Variants in SLC37A3 observed in about 807,000 individuals in gnomAD.
SLC37A3 encodes the protein solute carrier family 37 member 3.
SLC37A3 carries 51 observed loss-of-function variants against 67.1 expected under a neutral mutation model. The observed-to-expected ratio is 0.76, with a 90% CI of 0.61 to 0.96. The LOEUF is 0.96. SLC37A3 is among the 40% of genes least tolerant of loss of function. SLC37A3 has a pLI of 0.00. For missense variants in SLC37A3, 508 were observed against 603.0 expected (o/e 0.84, Z 1.65); for synonymous variants, 214 against 231.4 (o/e 0.92, Z 0.68).
Position 140,343,550 on chromosome 7 carries a change from A to G in SLC37A3, c.1188T>C (p.Gly396=). The change falls in exon 13 of 15, where the codon GGT becomes GGC. Residue 396 remains glycine, a synonymous_variant. Coordinates refer to ENST00000326232, the MANE Select transcript of SLC37A3 (RefSeq NM_207113.3). ...LLMTVTGFFI[G]GPSNMISSAI... ...CAGAACTAATCATATTAGAAGGTCC[A>G]CCAATAAAAAATCCTGAAGTCATAA... 6.2e-7 allele frequency: 1 copy of G among 1,614,216 alleles called. No individual in the cohort carries two copies. The highest frequency in any genetic ancestry group is 1.3e-5 in the African/African-American group (1 of 75,072).
intron 5 of SLC37A3, among the ~76,000 whole-genome samples, chr7:140,362,810 T>G (rs1405502624): frequency 5.8e-5 from 4 of 69,264 alleles, no homozygotes; most frequent in Non-Finnish European, 8.9e-5. Context: ...AGCCGCCCCG[T>G]CCCGGAGGTG....
intron 1 of SLC37A3, among the ~76,000 whole-genome samples, chr7:140,393,660 G>C (rs1373723134): frequency 4.6e-5 from 7 of 152,182 alleles, no homozygotes; most frequent in African/African-American, 1.7e-4. Flanking sequence ...CCTAGAGTGA[G>C]CTCCCTGATA....
rs1225827117 is a variant in SLC37A3 at position 140,343,477 on chromosome 7, CACTGCTCCTTT to C, written c.1250_1260del (p.Gln417ArgfsTer125). 3 of 1,614,020 alleles carry C rather than the reference CACTGCTCCTTT, an allele frequency of 1.9e-6. No homozygotes were observed. The African/African-American group carries it at 4.0e-5, about 22-fold the overall frequency. On this transcript the variant is annotated frameshift_variant, in exon 13 of 15. Transcript: ENST00000326232. LOFTEE classifies it high-confidence loss of function. ...ATTCCTGTGACAGTGGCCAAAGCTT[CACTGCTCCTTT>C]GGATGAGCTCCTGGCGACCCAAGTC... is the stretch of plus-strand genomic sequence containing the variant.
chr7:140,354,743 T>C (rs77100503), intron 7 of SLC37A3, among the ~76,000 whole-genome samples: 1 of 113,166 alleles, frequency 8.8e-6, no homozygotes, highest in Non-Finnish European at 1.8e-5. Flanking sequence ...TTTTGGTGTT[T>C]TTTTTTTTTT....
intron 13 of SLC37A3, among the ~76,000 whole-genome samples, chr7:140,340,028 G>A (rs1242252925): frequency 1.3e-5 from 2 of 152,114 alleles, no homozygotes; most frequent in Non-Finnish European, 2.9e-5. Context: ...TTAAGCCACC[G>A]CGCCCGGCCC....
At chr7:140,389,424 C>T (rs1269987408) in intron 1 of SLC37A3, among the ~76,000 whole-genome samples, 1 of 152,098 alleles carries the variant, frequency 6.6e-6, no homozygotes, top group Non-Finnish European at 1.5e-5. Flanking sequence ...TCACTTCAGC[C>T]CCCAGTGACT....
chr7:140,389,882 G>C (rs1240550727), intron 1 of SLC37A3, among the ~76,000 whole-genome samples: 2 of 152,070 alleles, frequency 1.3e-5, no homozygotes, highest in Admixed American at 6.6e-5. Context: ...GATCATTTGA[G>C]GCCAGTAGTT....
Position 140,398,418 on chromosome 7 carries a change from G to A in SLC37A3, c.-73C>T, listed in dbSNP as rs1799028844. Reference sequence around the variant, plus strand: ...CCCACGCATCACCGCTTGCGCACCCGAGATCCGCAGTGGTCGCCGCTCTCC... The same window carrying A: ...CCCACGCATCACCGCTTGCGCACCCAAGATCCGCAGTGGTCGCCGCTCTCC... On this transcript the variant is annotated splice_region_variant and 5_prime_UTR_variant, in exon 1 of 15. Transcript: ENST00000326232. The A allele has an allele frequency of 6.6e-6, 1 of 152,182 alleles. No individual in the cohort carries two copies. The highest frequency in any genetic ancestry group is 2.4e-5 in the African/African-American group (1 of 41,370). 9.4% of individuals were successfully genotyped at this position (152,182 alleles called of 1,614,324 possible).
chr7:140,362,096 G>C, intron 5 of SLC37A3, among the ~76,000 whole-genome samples: 1 of 130,424 alleles, frequency 7.7e-6, no homozygotes, highest in Non-Finnish European at 1.7e-5. Context: ...ATCCCATCTA[G>C]GAAGTGAGGA....
chr7:140,335,640 A>G, intron 14 of SLC37A3, 136 bp from the exon 15 acceptor site: 5 of 1,118,332 alleles, frequency 4.5e-6, no homozygotes, highest in Non-Finnish European at 6.2e-6. Context: ...ATCTTCAATG[A>G]ATTAGAAAAT....
intron 7 of SLC37A3, among the ~76,000 whole-genome samples, chr7:140,354,874 G>A (rs1380378281): frequency 6.6e-6 from 1 of 151,416 alleles, no homozygotes; most frequent in Admixed American, 6.6e-5. Context: ...CTCCTGAATA[G>A]CAGAGACTAT....
chr7:140,338,592 C>T (rs944924350), intron 13 of SLC37A3, among the ~76,000 whole-genome samples: 3 of 152,110 alleles, frequency 2.0e-5, no homozygotes, highest in Non-Finnish European at 2.9e-5. Context: ...CTGCCTCAGC[C>T]TCCAGAGTAG....
chr7:140,350,892 T>A (rs10228987), intron 9 of SLC37A3, among the ~76,000 whole-genome samples: 106,539 of 150,260 alleles, frequency 0.71, 37,545 homozygotes, highest in East Asian at 0.89. Flanking sequence ...ACATTAAAAA[T>A]TATCAATTTT....
At chr7:140,342,961 T>G (rs778490695) in intron 13 of SLC37A3, among the ~76,000 whole-genome samples, 1 of 152,092 alleles carries the variant, frequency 6.6e-6, no homozygotes, top group Non-Finnish European at 1.5e-5. Flanking sequence ...AGCTGCAGAG[T>G]CCATGGCCAT....
At chr7:140,386,958 C>G (rs185253819) in intron 1 of SLC37A3, 5 of 152,202 alleles carry the variant, frequency 3.3e-5, no homozygotes, top group African/African-American at 1.2e-4. Context: ...TTGTCAGCAA[C>G]AAGAATTTTA....
At chr7:140,351,987 C>G in intron 8 of SLC37A3, 75 bp downstream of exon 8, 1 of 1,402,440 alleles carries the variant, frequency 7.1e-7, no homozygotes, top group Non-Finnish European at 9.9e-7. Flanking sequence ...AAAAGAGATT[C>G]GATTTCTTGG....
intron 1 of SLC37A3, among the ~76,000 whole-genome samples, chr7:140,392,904 C>T (rs1798775628): frequency 6.6e-6 from 1 of 152,070 alleles, no homozygotes; most frequent in Non-Finnish European, 1.5e-5. Flanking sequence ...CCAGCCGGGC[C>T]AACATGATGA....
At chr7:140,386,082 CTTATTTAT>C (rs537844890) in intron 1 of SLC37A3, among the ~76,000 whole-genome samples, 3 of 151,710 alleles carry the variant, frequency 2.0e-5, no homozygotes, top group South Asian at 2.1e-4. Flanking sequence ...CATGCCTGGC[CTTATTTAT>C]TTATTTATTT....
chr7:140,387,649 A>G lies in SLC37A3; in HGVS notation c.-70-5053T>C, dbSNP rs1159774172. Reference sequence around the variant, plus strand: ...ATATATTATATAAATATAAATATATATATTATATAAATATAAATATATTAT... The same window carrying G: ...ATATATTATATAAATATAAATATATGTATTATATAAATATAAATATATTAT... On this transcript the variant is annotated intron_variant, in intron 1 of 14. Transcript: ENST00000326232. Among the ~76,000 whole-genome samples the G allele has an allele frequency of 2.6e-5, 3 of 116,892 alleles. No homozygotes were observed. In the East Asian group the frequency reaches 6.2e-4, roughly 24 times the overall value. 76.7% of individuals were successfully genotyped at this position (116,892 alleles called of 152,430 possible). A position where few individuals can be genotyped will look rare whatever the true frequency, so the allele number is the denominator to read the frequency against.
Sources: gnomAD v4.1 joint callset for allele counts (sites outside exome capture counted in the v4.1 genomes callset) on GRCh38, gnomAD v4.1.1 for gene constraint, MANE v1.5 for transcripts, NCBI Gene and HGNC (gene_info 2026-07-23, HGNC 2026-07-21) for gene names.